The following FGFRL1 variants were observed in gnomAD, a reference collection of about 807,000 sequenced individuals.
The protein encoded by FGFRL1 is fibroblast growth factor receptor-like 1.
FGFRL1 carries 24 observed loss-of-function variants against 36.8 expected under a neutral mutation model. That is an observed-to-expected ratio of 0.65 (90% confidence interval 0.47 to 0.92). FGFRL1 has a LOEUF of 0.92. Ranked by LOEUF, FGFRL1 falls within the 40% of genes least tolerant of loss-of-function variation. FGFRL1 has a pLI of 0.00. For synonymous variants in FGFRL1, 422 were observed against 344.1 expected (o/e 1.23, Z -2.50); for missense variants, 785 against 753.4 (o/e 1.04, Z -0.49).
rs1381156461 is a variant in FGFRL1, at chr4:1,023,225, G to A, written c.353-416G>A. Among the ~76,000 whole-genome samples, 1 of 152,154 alleles carries A rather than the reference G, an allele frequency of 6.6e-6. No homozygotes were observed. The highest frequency in any genetic ancestry group is 1.5e-5 in the Non-Finnish European group (1 of 68,000). On this transcript the variant is annotated intron_variant, in intron 3 of 6. Coordinates refer to ENST00000510644, the MANE Select transcript of FGFRL1 (RefSeq NM_001004356.3). The surrounding 1 kb of genome is among the most constrained non-coding windows in gnomAD (Gnocchi z 6.0). Reference sequence around the variant, plus strand: ...CGGCATTGTGTGGAATGGGAAAACTGGCTGTCCCCCACCCCCACCCCACAG... The same window carrying A: ...CGGCATTGTGTGGAATGGGAAAACTAGCTGTCCCCCACCCCCACCCCACAG...
intron 2 of FGFRL1, among the ~76,000 whole-genome samples, chr4:1,018,267 G>A (rs549714019): frequency 8.6e-5 from 13 of 151,918 alleles, no homozygotes; most frequent in African/African-American, 2.2e-4. Flanking sequence ...GTGACAAAGC[G>A]TGTAGGCAGA....
chr4:1,016,491 T>C (rs1715893678), intron 2 of FGFRL1, among the ~76,000 whole-genome samples: 2 of 152,088 alleles, frequency 1.3e-5, no homozygotes, highest in African/African-American at 4.8e-5. Context: ...TGGTGCCCGC[T>C]GTGTGCCCTG....
chr4:1,017,470 C>T (rs963082664), intron 2 of FGFRL1, among the ~76,000 whole-genome samples: 2 of 152,240 alleles, frequency 1.3e-5, no homozygotes, highest in African/African-American at 4.8e-5. Context: ...TGACCAGCAT[C>T]AGCCCCTGCC....
At chr4:1,022,498 G>C (rs1230396119) in intron 3 of FGFRL1, 23 bp downstream of exon 3, 5 of 1,567,546 alleles carry the variant, frequency 3.2e-6, no homozygotes, top group African/African-American at 1.3e-5. Flanking sequence ...TGCGGTCAGA[G>C]GTCATGGGCT....
At position 1,024,593 on chromosome 4, in the gene FGFRL1, G is replaced by T; in HGVS notation, c.1001G>T (p.Gly334Val). ...LITRARQDDA[G>V]MYICLGANTM... ...ACCCGTGCCCGCCAGGACGATGCGG[G>T]CATGTACATCTGCCTTGGCGCCAAC... The change falls in exon 6 of 7, where the codon GGC becomes GTC. Residue 334 changes from glycine (G) to valine (V), a missense_variant. Gly to Val is a moderately radical substitution (Grantham distance 109). Coordinates refer to ENST00000510644, the MANE Select transcript of FGFRL1 (RefSeq NM_001004356.3). The T allele has an allele frequency of 6.2e-7, 1 of 1,612,286 alleles. No homozygotes were observed. The highest frequency in any genetic ancestry group is 8.5e-7 in the Non-Finnish European group (1 of 1,179,772).
upstream of FGFRL1, chr4:1,011,277 C>G (rs1431923311): frequency 6.6e-6 from 1 of 152,250 alleles, no homozygotes; most frequent in Admixed American, 6.5e-5. Context: ...AGGACCCGAC[C>G]CGGGCGCGCG....
At position 1,025,486 on chromosome 4, in the gene FGFRL1, G is replaced by A. The variant is rs1029973817; in HGVS notation, c.*139G>A. Reference sequence around the variant, plus strand: ...GCACCCCAGGCAGTCTGTGTGTGAGGCATAGCCCCTGGACACACACACACA... The same window carrying A: ...GCACCCCAGGCAGTCTGTGTGTGAGACATAGCCCCTGGACACACACACACA... On this transcript the variant is annotated 3_prime_UTR_variant, in exon 7 of 7. Coordinates refer to ENST00000510644, the MANE Select transcript of FGFRL1 (RefSeq NM_001004356.3). The A allele has an allele frequency of 1.7e-5, 18 of 1,031,828 alleles. No individual in the cohort carries two copies. Among genetic ancestry groups the A allele is most frequent in the Non-Finnish European group, 2.4e-5 (17 of 713,162 alleles). 63.9% of individuals were successfully genotyped at this position (1,031,828 alleles called of 1,614,324 possible).
chr4:1,013,199 C>G (rs76051363), intron 2 of FGFRL1, among the ~76,000 whole-genome samples: 2 of 152,184 alleles, frequency 1.3e-5, no homozygotes, highest in Non-Finnish European at 2.9e-5. Context: ...CTCATGGCAC[C>G]GACATCTAAG....
At chr4:1,017,538 G>A (rs371627409) in intron 2 of FGFRL1, among the ~76,000 whole-genome samples, 3 of 152,310 alleles carry the variant, frequency 2.0e-5, no homozygotes, top group East Asian at 3.9e-4. Context: ...CAGGAGTCCC[G>A]TCCGACCTGG....
intron 2 of FGFRL1, among the ~76,000 whole-genome samples, chr4:1,015,865 C>T (rs1715860552): frequency 6.6e-6 from 1 of 152,246 alleles, no homozygotes; most frequent in Non-Finnish European, 1.5e-5. Flanking sequence ...CTCTACACTC[C>T]CTGTAGCCTT....
chr4:1,022,246 C>T lies in FGFRL1; in HGVS notation c.123C>T (p.Ala41=). The change falls in exon 3 of 7, where the codon GCC becomes GCT. Residue 41 remains alanine (A), a synonymous_variant. Coordinates refer to ENST00000510644, the MANE Select transcript of FGFRL1 (RefSeq NM_001004356.3). ...ACAAGGTGGTCCCACGGCAGGTGGC[C>T]CGGCTGGGCCGCACTGTGCGGCTGC... ...MADKVVPRQV[A]RLGRTVRLQC... is the part of the protein sequence containing the mutation. 1.3e-6 allele frequency: 2 copies of T among 1,554,264 alleles called. No individual in the cohort carries two copies. Among genetic ancestry groups the T allele is most frequent in the Non-Finnish European group, 1.7e-6 (2 of 1,147,428 alleles).
In FGFRL1 at chr4:1,025,521, A is replaced by G. The variant is rs546746341; in HGVS notation, c.*174A>G. On this transcript the variant is annotated 3_prime_UTR_variant, in exon 7 of 7. Coordinates refer to ENST00000510644, the MANE Select transcript of FGFRL1 (RefSeq NM_001004356.3). ...TGGACACACACACACAGACACACAC[A>G]CTGCCTGGATGCATGTATGCACACA... 3.8e-6 allele frequency: 3 copies of G among 780,344 alleles called. No homozygotes were observed. The highest frequency in any genetic ancestry group is 3.5e-5 in the African/African-American group (2 of 57,056). 48.3% of individuals were successfully genotyped at this position (780,344 alleles called of 1,614,324 possible).
chr4:1,017,127 C>A (rs190254673), intron 2 of FGFRL1, among the ~76,000 whole-genome samples: 1 of 152,282 alleles, frequency 6.6e-6, no homozygotes, highest in Admixed American at 6.5e-5. Context: ...CCCCCTTCCC[C>A]CAGGCCACTC....
intron 2 of FGFRL1, among the ~76,000 whole-genome samples, chr4:1,013,361 T>A (rs1049261713): frequency 6.6e-6 from 1 of 152,236 alleles, no homozygotes; most frequent in African/African-American, 2.4e-5. Flanking sequence ...AGGCCGGCCC[T>A]TTGGGCGTGT....
chr4:1,025,580 TACGCACAC>T lies in FGFRL1; in HGVS notation c.*241_*248del. ...CACACGTGCTCCCTGAAGGCACACG[TACGCACAC>T]ACGCACATGCACAGATATGCCGCCT... On this transcript the variant is annotated 3_prime_UTR_variant, in exon 7 of 7. Coordinates refer to ENST00000510644, the MANE Select transcript of FGFRL1 (RefSeq NM_001004356.3). The T allele has an allele frequency of 1.7e-6, 1 of 603,736 alleles. No homozygotes were observed. Among genetic ancestry groups the T allele is most frequent in the East Asian group, 2.8e-5 (1 of 35,088 alleles). 37.4% of individuals were successfully genotyped at this position (603,736 alleles called of 1,614,324 possible). A position where few individuals can be genotyped will look rare whatever the true frequency, so the allele number is the denominator to read the frequency against.
chr4:1,017,555 G>T (rs748919741), intron 2 of FGFRL1, among the ~76,000 whole-genome samples: 2 of 152,214 alleles, frequency 1.3e-5, no homozygotes, highest in Non-Finnish European at 2.9e-5. Context: ...CTGGGCAGGT[G>T]CTGCCTCGGG....
intron 5 of FGFRL1, 100 bp from the exon 6 acceptor site, chr4:1,024,211 C>A (rs1716368287): frequency 7.6e-6 from 2 of 264,656 alleles, no homozygotes; most frequent in Non-Finnish European, 1.3e-5. Context: ...ACTGGCAGGG[C>A]TTGGGGGTGG....
chr4:1,019,625 G>GC (rs1449127600), intron 2 of FGFRL1, among the ~76,000 whole-genome samples: 1 of 152,198 alleles, frequency 6.6e-6, no homozygotes, highest in African/African-American at 2.4e-5. Flanking sequence ...TGCCAGAGCT[G>GC]CCCCCAGCCC....
intron 3 of FGFRL1, 105 bp downstream of exon 3, chr4:1,022,580 C>A: frequency 7.1e-7 from 1 of 1,408,406 alleles, no homozygotes; most frequent in Non-Finnish European, 9.4e-7. Context: ...TCAGCCAGCC[C>A]CCGGCAGAAA....
Sources: gnomAD v4.1 joint callset for allele counts (sites outside exome capture counted in the v4.1 genomes callset) on GRCh38, gnomAD v4.1.1 for gene constraint, Gnocchi (gnomAD v3.1) non-coding constraint, MANE v1.5 for transcripts, NCBI Gene and HGNC (gene_info 2026-07-23, HGNC 2026-07-21) for gene names.